Variants in CACNA1E observed in about 807,000 individuals in gnomAD.
CACNA1E encodes calcium voltage-gated channel subunit alpha1 E.
A neutral mutation model predicts 259.2 loss-of-function variants in CACNA1E; 40 were observed. The observed-to-expected ratio is 0.15, with a 90% confidence interval of 0.12 to 0.20. The LOEUF is 0.20. Among genes scored for constraint, CACNA1E ranks in the 10% least tolerant of loss-of-function variants. The pLI, the probability that CACNA1E is intolerant of heterozygous loss-of-function variation, is 1.00. For synonymous variants in CACNA1E, 1,104 were observed against 1,138.5 expected (o/e 0.97, Z 0.61); for missense variants, 1,874 against 3,040.1 (o/e 0.62, Z 9.02).
Position 181,350,064 on chromosome 1 carries a change from A to AAGCT in CACNA1E, c.-15+31942_-15+31945dup, listed in dbSNP as rs566697754. On this transcript the variant is annotated intron_variant, in intron 1 of 11. Transcript: ENST00000524607. Reference sequence around the variant, plus strand: ...CTGTGACCCCTGCACCCTGGCCAGGAAGCTGCCTTGGAGCTGCTTGTGTTT... The same window carrying AAGCT: ...CTGTGACCCCTGCACCCTGGCCAGGAAGCTAGCTGCCTTGGAGCTGCTTGTGTTT... 6.0e-4 allele frequency among the ~76,000 whole-genome samples: 92 copies of AAGCT among 152,236 alleles called. 1 individual carries two copies. In the East Asian group the frequency reaches 0.015, roughly 26 times the overall value.
At chr1:181,699,966 G>A (rs921192696) in intron 7 of CACNA1E, among the ~76,000 whole-genome samples, 5 of 152,068 alleles carry the variant, frequency 3.3e-5, no homozygotes, top group African/African-American at 9.7e-5. Flanking sequence ...TTACATAACT[G>A]GGTTTCAAGC....
intron 7 of CACNA1E, among the ~76,000 whole-genome samples, chr1:181,704,139 TC>T (rs1179324968): frequency 2.0e-5 from 3 of 152,208 alleles, no homozygotes; most frequent in African/African-American, 7.2e-5. Context: ...AACCTAAGTC[TC>T]CTTAAATCCT....
intron 6 of CACNA1E, among the ~76,000 whole-genome samples, chr1:181,601,273 G>A (rs1354218250): frequency 2.0e-5 from 3 of 152,096 alleles, no homozygotes; most frequent in African/African-American, 7.2e-5. Flanking sequence ...TGTTTTTAAA[G>A]CTTAATTTTT....
intron 3 of CACNA1E, among the ~76,000 whole-genome samples, chr1:181,521,486 G>A (rs1666988601): frequency 6.6e-6 from 1 of 152,168 alleles, no homozygotes; most frequent in African/African-American, 2.4e-5. Flanking sequence ...TATGAGCTCT[G>A]AACTATGGTG....
intron 7 of CACNA1E, among the ~76,000 whole-genome samples, chr1:181,696,599 G>A (rs1257645765): frequency 1.3e-5 from 2 of 152,146 alleles, no homozygotes; most frequent in South Asian, 2.1e-4. Flanking sequence ...TTGGCCTGGT[G>A]TATCTTTTTA....
rs755212441 is a variant in CACNA1E, at chr1:181,721,817, G to T, written c.2016G>T (p.Gly672=). ...ACAATGGGATCCGCTCCCAGGGTGG[G>T]GTCAGCTCAGGCATGTGGTCTGCCA... is the stretch of plus-strand genomic sequence containing the variant. The part of the protein sequence containing the change: ...VMYNGIRSQG[G]VSSGMWSAIY... The change falls in exon 16 of 48, where the codon GGG becomes GGT. Residue 672 remains glycine, a synonymous_variant. Coordinates refer to ENST00000367573, the MANE Select transcript of CACNA1E (RefSeq NM_001205293.3). The T allele has an allele frequency of 1.7e-5, 27 of 1,613,526 alleles. No homozygotes were observed. Among genetic ancestry groups the T allele is most frequent in the Non-Finnish European group, 2.3e-5 (27 of 1,179,714 alleles).
rs1025985756 is a variant in CACNA1E, at chr1:181,485,742, C to T, written c.266+1732C>T. Among the ~76,000 whole-genome samples, 2 of 152,232 alleles carry T rather than the reference C, an allele frequency of 1.3e-5. No individual in the cohort carries two copies. The highest frequency in any genetic ancestry group is 2.9e-5 in the Non-Finnish European group (2 of 68,036). ...TCTACGGATTTCCCAGCTGGGCCCT[C>T]CTTTCTCACTCGGCTTCTACGGTTC... On this transcript the variant is annotated intron_variant, in intron 1 of 47. Transcript: ENST00000367573. This position sits in a 1 kb window ranked among gnomAD's most constrained non-coding sequence, Gnocchi z 4.2.
chr1:181,660,717 C>T (rs1352736006), intron 7 of CACNA1E, among the ~76,000 whole-genome samples: 1 of 152,132 alleles, frequency 6.6e-6, no homozygotes, highest in Non-Finnish European at 1.5e-5. Context: ...GCTCAGTGTT[C>T]CAGATGAGAT....
chr1:181,599,942 T>C (rs1419216720), intron 6 of CACNA1E, among the ~76,000 whole-genome samples: 1 of 152,220 alleles, frequency 6.6e-6, no homozygotes, highest in Admixed American at 6.5e-5. Context: ...CCACCTGGAA[T>C]TCGTATTATA....
chr1:181,766,215 A>G (rs1659010857), intron 34 of CACNA1E, among the ~76,000 whole-genome samples: 1 of 152,100 alleles, frequency 6.6e-6, no homozygotes, highest in Admixed American at 6.5e-5. Context: ...TAGGTTATTA[A>G]TTTTCTGCAT....
At chr1:181,437,628 T>C (rs533948560) in intron 2 of CACNA1E, among the ~76,000 whole-genome samples, 10 of 152,220 alleles carry the variant, frequency 6.6e-5, no homozygotes, top group Non-Finnish European at 1.5e-4. Flanking sequence ...ACTTAGACTC[T>C]CATTCTTGAA....
intron 18 of CACNA1E, among the ~76,000 whole-genome samples, chr1:181,730,031 T>G (rs1655319392): frequency 6.6e-6 from 1 of 152,232 alleles, no homozygotes; most frequent in Admixed American, 6.5e-5. Context: ...CAATGATGTC[T>G]GCATCAGTGG....
chr1:181,407,937 G>A (rs1305820117), intron 1 of CACNA1E, among the ~76,000 whole-genome samples: 1 of 152,148 alleles, frequency 6.6e-6, no homozygotes, highest in Non-Finnish European at 1.5e-5. Context: ...TAACAGGTGG[G>A]AATTAGGACA....
At chr1:181,757,908 G>A (rs774346311) in intron 30 of CACNA1E, 39 bp from the exon 31 acceptor site, 2 of 1,605,630 alleles carry the variant, frequency 1.2e-6, no homozygotes, top group East Asian at 2.2e-5. Flanking sequence ...TAGATCTAGG[G>A]GATTTGAATT....
chr1:181,693,128 C>CAAAAAAAAAAAAAAAAAAAA (rs61662957), intron 7 of CACNA1E, among the ~76,000 whole-genome samples: 2 of 97,848 alleles, frequency 2.0e-5, no homozygotes. Flanking sequence ...CTATCTAAAG[C>CAAAAAAAAAAAAAAAAAAAA]AAAAAAAAAA....
In CACNA1E at chr1:181,785,762, A is replaced by G; in HGVS notation, c.5729A>G (p.Glu1910Gly). ...QRMEPSSLPQ[E>G]IIANAKALPY... ...ATGGAGCCTTCATCTCTGCCTCAGG[A>G]GATCATTGCTAATGCCAAAGCCCTG... The change falls in exon 43 of 48, where the codon GAG (glutamate) becomes GGG (glycine). Residue 1910 changes from glutamate to glycine, a missense_variant. Glu to Gly is a moderately conservative substitution (Grantham distance 98). Transcript: ENST00000367573. 6.2e-7 allele frequency: 1 copy of G among 1,613,204 alleles called. No homozygotes were observed. Among genetic ancestry groups the G allele is most frequent in the Non-Finnish European group, 8.5e-7 (1 of 1,179,682 alleles).
chr1:181,677,213 C>A (rs572494147), intron 7 of CACNA1E, among the ~76,000 whole-genome samples: 1 of 152,186 alleles, frequency 6.6e-6, no homozygotes, highest in African/African-American at 2.4e-5. Context: ...GATGATAGAT[C>A]TAAAGTCATG....
intron 7 of CACNA1E, among the ~76,000 whole-genome samples, chr1:181,703,282 T>C (rs1470121449): frequency 6.6e-6 from 1 of 152,222 alleles, no homozygotes. Flanking sequence ...TACTATACCT[T>C]GCACATTCTA....
At chr1:181,559,995 A>G (rs1025091028) in intron 3 of CACNA1E, among the ~76,000 whole-genome samples, 1 of 152,226 alleles carries the variant, frequency 6.6e-6, no homozygotes, top group African/African-American at 2.4e-5. Context: ...TTGATTGTTT[A>G]AAATAAGGAT....
Sources: allele counts gnomAD v4.1 joint callset (sites outside exome capture counted in the v4.1 genomes callset), GRCh38; gene constraint gnomAD v4.1.1; non-coding constraint Gnocchi (gnomAD v3.1); transcripts MANE v1.5; gene names NCBI Gene and HGNC (gene_info 2026-07-23, HGNC 2026-07-21).